Variants in SRCIN1 observed in about 807,000 individuals in gnomAD.
SRCIN1 encodes the protein SRC kinase signaling inhibitor 1.
A neutral mutation model predicts 116.2 loss-of-function variants in SRCIN1; 50 were observed. The ratio of observed to expected loss-of-function variants is 0.43; its 90% CI spans 0.34 to 0.54. The LOEUF (loss-of-function observed/expected upper bound fraction) is 0.54, where lower values mean the gene tolerates loss of function less well. Among genes scored for constraint, SRCIN1 ranks in the 20% least tolerant of loss-of-function variants. The probability of loss-of-function intolerance (pLI) is 0.02; values close to 1 mark genes in which losing one functional copy is unlikely to be tolerated. For missense variants in SRCIN1, 1,446 were observed against 1,672.0 expected (o/e 0.86, Z 2.36); for synonymous variants, 736 against 750.0 (o/e 0.98, Z 0.30).
chr17:38,533,106 A>AC lies in SRCIN1; in HGVS notation c.*190_*191insG, dbSNP rs1257871986. The AC allele has an allele frequency of 1.8e-5, 8 of 443,132 alleles. No homozygotes were observed. Among genetic ancestry groups the AC allele is most frequent in the African/African-American group, 2.1e-5 (1 of 46,954 alleles). The allele number at this position is 443,132 out of a possible 1,614,324, so 27.5% of individuals were successfully genotyped here. A position where few individuals can be genotyped will look rare whatever the true frequency, so the allele number is the denominator to read the frequency against. ...TAAAAGTTAATTGTTAAAAAAAAAA[A>AC]AAAAAACAAAACCAAAAACACCAAC... On this transcript the variant is annotated 3_prime_UTR_variant, in exon 19 of 19. Coordinates refer to ENST00000617146, the MANE Select transcript of SRCIN1 (RefSeq NM_025248.3).
chr17:38,593,778 A>G (rs748488344), intron 1 of SRCIN1, among the ~76,000 whole-genome samples: 2 of 152,190 alleles, frequency 1.3e-5, no homozygotes, highest in Non-Finnish European at 2.9e-5. Context: ...GAGGGAGCAC[A>G]GGTCTCTTCT....
intron 18 of SRCIN1, chr17:38,541,716 G>A (rs898423242): frequency 1.0e-4 from 16 of 152,486 alleles, no homozygotes; most frequent in African/African-American, 3.6e-4. Context: ...ACTTTGGGAG[G>A]CTGAGGTGGG....
chr17:38,544,533 CAG>C lies in SRCIN1; in HGVS notation c.3271-566_3271-565del, dbSNP rs1904958065. ...TCCAGAGGCGCAAGCAGAGAGATGA[CAG>C]AGACAGAGAATCAGAGACAGGAAGG... On this transcript the variant is annotated intron_variant, in intron 17 of 18. Transcript: ENST00000617146. The surrounding 1 kb of genome is among the most constrained non-coding windows in gnomAD (Gnocchi z 4.5). 1 of 152,560 alleles carries C rather than the reference CAG, an allele frequency of 6.6e-6. No individual in the cohort carries two copies. Among genetic ancestry groups the C allele is most frequent in the South Asian group, 2.1e-4 (1 of 4,820 alleles). The allele number at this position is 152,560 out of a possible 1,614,324, so 9.5% of individuals were successfully genotyped here.
intron 2 of SRCIN1, among the ~76,000 whole-genome samples, chr17:38,575,678 G>A (rs1364936253): frequency 6.6e-6 from 1 of 152,118 alleles, no homozygotes; most frequent in Non-Finnish European, 1.5e-5. Flanking sequence ...AGGAACCGCT[G>A]GGCAGGAGAA....
At chr17:38,578,124 C>T (rs1044215216) in intron 2 of SRCIN1, among the ~76,000 whole-genome samples, 1 of 152,212 alleles carries the variant, frequency 6.6e-6, no homozygotes, top group Non-Finnish European at 1.5e-5. Flanking sequence ...AGGATGGACT[C>T]TCAGGCACAG....
chr17:38,567,517 G>A (rs1416069469), intron 3 of SRCIN1, among the ~76,000 whole-genome samples: 1 of 152,172 alleles, frequency 6.6e-6, no homozygotes, highest in African/African-American at 2.4e-5. Flanking sequence ...TGGGTGGGAT[G>A]CCTCCCACCC....
Position 38,533,072 on chromosome 17 carries a change from A to T in SRCIN1, c.*225T>A. Reference sequence around the variant, plus strand: ...TGGTTTTTAGTTTTACTGTTTAAAAAAAGATAATTAAAAGTTAATTGTTAA... The same window carrying T: ...TGGTTTTTAGTTTTACTGTTTAAAATAAGATAATTAAAAGTTAATTGTTAA... On this transcript the variant is annotated 3_prime_UTR_variant, in exon 19 of 19. Transcript: ENST00000617146. 2.4e-6 allele frequency: 1 copy of T among 415,552 alleles called. No homozygotes were observed. The highest frequency in any genetic ancestry group is 4.0e-6 in the Non-Finnish European group (1 of 247,260). 25.7% of individuals were successfully genotyped at this position (415,552 alleles called of 1,614,324 possible).
rs1469171190 is a variant in SRCIN1 at position 38,544,384 on chromosome 17, G to T, written c.3271-415C>A. The stretch of plus-strand genomic sequence containing the variant: ...CTCTATAATGGCACACAGAGCAGAG[G>T]GGCAGCCCCAGGCCCACATCCTCCT... On this transcript the variant is annotated intron_variant, in intron 17 of 18. Transcript: ENST00000617146. This position sits in a 1 kb window ranked among gnomAD's most constrained non-coding sequence, Gnocchi z 4.5. 6.6e-6 allele frequency among the ~76,000 whole-genome samples: 1 copy of T among 152,092 alleles called. No homozygotes were observed. Among genetic ancestry groups the T allele is most frequent in the Admixed American group, 6.5e-5 (1 of 15,284 alleles).
Position 38,531,354 on chromosome 17 carries a change from C to T in SRCIN1, c.*1943G>A, listed in dbSNP as rs1342684134. On this transcript the variant is annotated 3_prime_UTR_variant, in exon 19 of 19. Transcript: ENST00000617146. ...TGCCCGCCCCCCAGCCCCCCTCCCC[C>T]GCCAAAACAGTGGCCAGGGAGAGTG... 16 of 151,280 alleles carry T rather than the reference C, an allele frequency of 1.1e-4. 1 individual carries two copies. Among genetic ancestry groups the T allele is most frequent in the African/African-American group, 4.9e-5 (2 of 41,226 alleles). The allele number at this position is 151,280 out of a possible 1,614,324, so 9.4% of individuals were successfully genotyped here.
At position 38,552,334 on chromosome 17, in the gene SRCIN1, C is replaced by T. The variant is rs555199172; in HGVS notation, c.2480+113G>A. The T allele has an allele frequency of 1.8e-5, 26 of 1,456,156 alleles. No individual in the cohort carries two copies. The highest frequency in any genetic ancestry group is 5.2e-5 in the Admixed American group (2 of 38,276). 90.2% of individuals were successfully genotyped at this position (1,456,156 alleles called of 1,614,324 possible). A position where few individuals can be genotyped will look rare whatever the true frequency, so the allele number is the denominator to read the frequency against. Reference sequence around the variant, plus strand: ...ACAGGGCAGAGCTGAGGTGCCAGTCCAGTCGGCACGCCAGTGACCTTTGGG... The same window carrying T: ...ACAGGGCAGAGCTGAGGTGCCAGTCTAGTCGGCACGCCAGTGACCTTTGGG... On this transcript the variant is annotated intron_variant, in intron 13 of 18. Transcript: ENST00000617146. The surrounding 1 kb of genome is among the most constrained non-coding windows in gnomAD (Gnocchi z 5.3).
chr17:38,552,990 C>T lies in SRCIN1; in HGVS notation c.2202-135G>A, dbSNP rs898703633. 12 of 1,386,892 alleles carry T rather than the reference C, an allele frequency of 8.7e-6. No individual in the cohort carries two copies. Among genetic ancestry groups the T allele is most frequent in the Admixed American group, 4.8e-5 (2 of 42,028 alleles). 85.9% of individuals were successfully genotyped at this position (1,386,892 alleles called of 1,614,324 possible). A position where few individuals can be genotyped will look rare whatever the true frequency, so the allele number is the denominator to read the frequency against. On this transcript the variant is annotated intron_variant, in intron 11 of 18. Transcript: ENST00000617146. The surrounding 1 kb of genome is among the most constrained non-coding windows in gnomAD (Gnocchi z 5.3). ...AAGCAGGAGGCTGGGCACCGTGGCT[C>T]ACGCCCGTAATCTCAGTACTTTGGG...
At chr17:38,535,809 T>TC (rs2040992289) in intron 18 of SRCIN1, among the ~76,000 whole-genome samples, 1 of 152,114 alleles carries the variant, frequency 6.6e-6, no homozygotes, top group African/African-American at 2.4e-5. Flanking sequence ...ACTGCCCAGT[T>TC]CCCCCTGATG....
intron 3 of SRCIN1, among the ~76,000 whole-genome samples, chr17:38,564,921 C>T (rs963825062): frequency 9.2e-5 from 14 of 152,262 alleles, no homozygotes; most frequent in Admixed American, 6.5e-5. Flanking sequence ...CAGCTGGACC[C>T]GGATTTGAGA....
At chr17:38,565,278 T>G (rs1296226334) in intron 3 of SRCIN1, among the ~76,000 whole-genome samples, 1 of 152,228 alleles carries the variant, frequency 6.6e-6, no homozygotes, top group Non-Finnish European at 1.5e-5. Context: ...GAAATCTGGT[T>G]GTTGTACAGA....
intron 17 of SRCIN1, among the ~76,000 whole-genome samples, chr17:38,547,532 G>A (rs1217533248): frequency 6.6e-6 from 1 of 152,192 alleles, no homozygotes; most frequent in Non-Finnish European, 1.5e-5. Context: ...CAGGCTGCTG[G>A]AGTCTCAGGG....
At position 38,551,954 on chromosome 17, in the gene SRCIN1, C is replaced by G. The variant is rs1449677808; in HGVS notation, c.2659G>C (p.Gly887Arg). The part of the protein sequence containing the change: ...PAEGASLTPK[G>R]GNPTKGLDTP... ...TCCAGGCCTTTGGTGGGGTTGCCCC[C>G]CTTGGGGGTAAGAGAGGCTCCTTCA... Residue 887 changes from glycine to arginine, a missense_variant, in exon 14 of 19, where the codon GGG becomes CGG. Physicochemically the swap from Gly to Arg is moderately radical, Grantham distance 125. Coordinates refer to ENST00000617146, the MANE Select transcript of SRCIN1 (RefSeq NM_025248.3). The G allele has an allele frequency of 2.5e-6, 4 of 1,614,058 alleles. No individual in the cohort carries two copies. In the South Asian group the frequency reaches 4.4e-5, roughly 18 times the overall value.
chr17:38,592,679 C>T (rs1908503974), intron 1 of SRCIN1, among the ~76,000 whole-genome samples: 1 of 152,178 alleles, frequency 6.6e-6, no homozygotes, highest in Admixed American at 6.5e-5. Flanking sequence ...AGCACAGTGC[C>T]TGGCACATGT....
In SRCIN1 at chr17:38,559,741, G is replaced by T; in HGVS notation, c.1869C>A (p.Ala623=). 6.5e-7 allele frequency: 1 copy of T among 1,542,520 alleles called. No homozygotes were observed. Among genetic ancestry groups the T allele is most frequent in the Non-Finnish European group, 8.7e-7 (1 of 1,153,312 alleles). Residue 623 remains alanine (A), a synonymous_variant, in exon 10 of 19, where the codon GCC becomes GCA. Coordinates refer to ENST00000617146, the MANE Select transcript of SRCIN1 (RefSeq NM_025248.3). ...GCGGGGGCGGGCCGGACACCGGGGT[G>T]GCCCCGCTGCTCCGGCCGCCTGACC... is the stretch of plus-strand genomic sequence containing the variant. ...PCGSGGRSSG[A]TPVSGPPPPS... is the part of the protein sequence containing the mutation.
Position 38,558,772 on chromosome 17 carries a change from C to A in SRCIN1, c.2026-370G>T, listed in dbSNP as rs766023965. ...AGGTTAAGTTCTGGGGAATATGAGGCAGGAGAAGGGGTTGGGAATATTTGC... is the reference window on the plus strand; with the variant it reads ...AGGTTAAGTTCTGGGGAATATGAGGAAGGAGAAGGGGTTGGGAATATTTGC... On this transcript the variant is annotated intron_variant, in intron 10 of 18. Transcript: ENST00000617146. This position sits in a 1 kb window ranked among gnomAD's most constrained non-coding sequence, Gnocchi z 4.6. Among the ~76,000 whole-genome samples, 8 of 152,060 alleles carry A rather than the reference C, an allele frequency of 5.3e-5. No homozygotes were observed. The highest frequency in any genetic ancestry group is 8.8e-5 in the Non-Finnish European group (6 of 68,008).
Sources: allele counts gnomAD v4.1 joint callset (sites outside exome capture counted in the v4.1 genomes callset), GRCh38; gene constraint gnomAD v4.1.1; non-coding constraint Gnocchi (gnomAD v3.1); transcripts MANE v1.5; gene names NCBI Gene and HGNC (gene_info 2026-07-23, HGNC 2026-07-21).